The following ZFYVE19 variants were observed in gnomAD, a reference collection of about 807,000 sequenced individuals.
ZFYVE19 encodes the protein abscission/NoCut checkpoint regulator.
Under a neutral mutation model 62.8 loss-of-function variants are expected in ZFYVE19, and 49 were observed. That is an observed-to-expected ratio of 0.78 (90% CI 0.62 to 0.99). ZFYVE19 has a LOEUF of 0.99. Among genes scored for constraint, ZFYVE19 ranks in the 50% least tolerant of loss-of-function variants. ZFYVE19 has a pLI of 0.00. For synonymous variants in ZFYVE19, 242 were observed against 234.3 expected (o/e 1.03, Z -0.30); for missense variants, 630 against 601.9 (o/e 1.05, Z -0.49).
rs377577065 is a variant in ZFYVE19, at chr15:40,813,726, C to T, written c.1124C>T (p.Ala375Val). Residue 375 changes from alanine to valine, a missense_variant, in exon 9 of 11, where the codon GCT (alanine) becomes GTT (valine). Physicochemically the swap from Ala to Val is moderately conservative, Grantham distance 64. Coordinates refer to ENST00000355341, the MANE Select transcript of ZFYVE19 (RefSeq NM_001077268.2). ...CCCTGTCCGCAGCTCACTGAAGAAG[C>T]TTCCCTGGATGAGGCAAGTGGCTTT... is the stretch of plus-strand genomic sequence containing the variant. ...QRVLQQLTEE[A>V]SLDEASGFNI... 1 of 1,613,714 alleles carries T rather than the reference C, an allele frequency of 6.2e-7. No individual in the cohort carries two copies. The highest frequency in any genetic ancestry group is 8.5e-7 in the Non-Finnish European group (1 of 1,179,864).
At position 40,807,259 on chromosome 15, in the gene ZFYVE19, G is replaced by A; in HGVS notation, c.-331G>A. 1 of 1,595,400 alleles carries A rather than the reference G, an allele frequency of 6.3e-7. No homozygotes were observed. ...GGCATAGCGCCGACCCTCGCTCCCC[G>A]CCCAGGACCCGAATGAACCTGGAGA... is the stretch of plus-strand genomic sequence containing the variant. On this transcript the variant is annotated 5_prime_UTR_variant, in exon 1 of 11. Transcript: ENST00000355341.
intron 6 of ZFYVE19, 110 bp from the exon 7 acceptor site, chr15:40,812,589 G>A (rs199724079): frequency 1.1e-5 from 3 of 283,368 alleles, no homozygotes; most frequent in Non-Finnish European, 1.6e-5. Context: ...AAGAAAGAAA[G>A]AAAAAATTAT....
intron 5 of ZFYVE19, 61 bp from the exon 6 acceptor site, chr15:40,810,588 C>A: frequency 6.5e-7 from 1 of 1,545,442 alleles, no homozygotes; most frequent in Non-Finnish European, 8.7e-7. Flanking sequence ...AGCATCCATC[C>A]CTGACCTAGA....
chr15:40,812,758 C>G lies in ZFYVE19; in HGVS notation c.886C>G (p.Gln296Glu). ...CCCAGGGAGCACTAATTCCAAGAGG[C>G]AGGCCAACTGGTCCTTGGAGGAGGA... is the stretch of plus-strand genomic sequence containing the variant. ...GGPGSTNSKRQANWSLEEEKS... is the reference protein window; with the variant it reads ...GGPGSTNSKREANWSLEEEKS... Residue 296 changes from glutamine to glutamate, a missense_variant, in exon 7 of 11, where the codon CAG becomes GAG. Physicochemically the swap from Gln to Glu is conservative, Grantham distance 29 (BLOSUM62 2). Transcript: ENST00000355341. 4 of 1,612,608 alleles carry G rather than the reference C, an allele frequency of 2.5e-6. No individual in the cohort carries two copies. Among genetic ancestry groups the G allele is most frequent in the Non-Finnish European group, 3.4e-6 (4 of 1,180,014 alleles).
chr15:40,813,958 C>A lies in ZFYVE19; in HGVS notation c.1225C>A (p.Pro409Thr), dbSNP rs767975659. 1.9e-6 allele frequency: 3 copies of A among 1,610,812 alleles called. No homozygotes were observed. The highest frequency in any genetic ancestry group is 2.2e-5 in the South Asian group (2 of 90,530). ...GAEPEAQDVD[P>T]RPEAEEEELP... is the part of the protein sequence containing the mutation. ...ATCCCTGAAGGCCCAGGATGTGGAC[C>A]CCAGGCCTGAGGCTGAGGAAGAGGA... Residue 409 changes from proline (P) to threonine (T), a missense_variant, in exon 10 of 11, where the codon CCC becomes ACC. Coordinates refer to ENST00000355341, the MANE Select transcript of ZFYVE19 (RefSeq NM_001077268.2).
In ZFYVE19 at chr15:40,807,262, C is replaced by A; in HGVS notation, c.-328C>A. On this transcript the variant is annotated 5_prime_UTR_variant, in exon 1 of 11. Coordinates refer to ENST00000355341, the MANE Select transcript of ZFYVE19 (RefSeq NM_001077268.2). ...ATAGCGCCGACCCTCGCTCCCCGCC[C>A]AGGACCCGAATGAACCTGGAGAGCG... is the stretch of plus-strand genomic sequence containing the variant. 1 of 1,599,762 alleles carries A rather than the reference C, an allele frequency of 6.3e-7. No homozygotes were observed. Among genetic ancestry groups the A allele is most frequent in the African/African-American group, 1.3e-5 (1 of 74,756 alleles).
Position 40,809,078 on chromosome 15 carries a change from G to A in ZFYVE19, c.280-41G>A, listed in dbSNP as rs570283521. The A allele has an allele frequency of 1.9e-5, 30 of 1,607,342 alleles. No homozygotes were observed. In the African/African-American group the frequency reaches 2.3e-4, roughly 12 times the overall value. ...AGAGTCCCTGGGAGCAGCCTGCAGG[G>A]GCGGGTGAGAGGGGGATCTCCCGCT... On this transcript the variant is annotated intron_variant, in intron 1 of 10. Transcript: ENST00000355341.
In ZFYVE19 at chr15:40,813,271, C is replaced by CA. The variant is rs150913571; in HGVS notation, c.1031-66dup. On this transcript the variant is annotated intron_variant, in intron 7 of 10. Coordinates refer to ENST00000355341, the MANE Select transcript of ZFYVE19 (RefSeq NM_001077268.2). ...GAACCAGTTCTGGGAGGCAGGAGGG[C>CA]AGCCACTCATGTGAAATCTCTCACT... The CA allele has an allele frequency of 4.8e-3, 7,131 of 1,489,602 alleles. 285 individuals are homozygous for CA. In the African/African-American group the frequency reaches 0.085, roughly 18 times the overall value. 92.3% of individuals were successfully genotyped at this position (1,489,602 alleles called of 1,614,324 possible). A position where few individuals can be genotyped will look rare whatever the true frequency, so the allele number is the denominator to read the frequency against.
intron 6 of ZFYVE19, 43 bp from the exon 7 acceptor site, chr15:40,812,656 T>C (rs779714971): frequency 2.0e-6 from 3 of 1,518,290 alleles, no homozygotes; most frequent in Admixed American, 1.7e-5. Context: ...TGAGGAGAGA[T>C]ACTGGGATGT....
At chr15:40,808,496 T>C in intron 1 of ZFYVE19, 4 of 1,442,392 alleles carry the variant, frequency 2.8e-6, no homozygotes, top group Non-Finnish European at 3.7e-6. Context: ...ACCTGGATTT[T>C]GGAGTCAGCG....
intron 7 of ZFYVE19, 22 bp downstream of exon 7, chr15:40,812,924 C>G: frequency 6.2e-7 from 1 of 1,605,758 alleles, no homozygotes; most frequent in Non-Finnish European, 8.5e-7. Flanking sequence ...GGAGCAGCTG[C>G]TCACTGGTAT....
chr15:40,809,073 G>T, intron 1 of ZFYVE19, 46 bp from the exon 2 acceptor site: 2 of 1,606,024 alleles, frequency 1.2e-6, no homozygotes, highest in Non-Finnish European at 1.7e-6. Context: ...GGAGCAGCCT[G>T]CAGGGGCGGG....
intron 1 of ZFYVE19, chr15:40,808,250 C>T (rs1340468361): frequency 1.9e-6 from 3 of 1,596,544 alleles, no homozygotes; most frequent in East Asian, 2.2e-5. Flanking sequence ...TTCCCCATCC[C>T]GCAGCCTGCC....
Position 40,807,242 on chromosome 15 carries a change from G to A in ZFYVE19, c.-348G>A, listed in dbSNP as rs1490861764. ...GGAGCCCGCCTGCGGAGGGCATAGC[G>A]CCGACCCTCGCTCCCCGCCCAGGAC... On this transcript the variant is annotated 5_prime_UTR_variant, in exon 1 of 11. Coordinates refer to ENST00000355341, the MANE Select transcript of ZFYVE19 (RefSeq NM_001077268.2). 3.2e-6 allele frequency: 5 copies of A among 1,570,772 alleles called. No homozygotes were observed. Among genetic ancestry groups the A allele is most frequent in the Admixed American group, 3.8e-5 (2 of 53,102 alleles).
At position 40,809,161 on chromosome 15, in the gene ZFYVE19, C is replaced by CT; in HGVS notation, c.323dup (p.Ser109LysfsTer22). On this transcript the variant is annotated frameshift_variant, in exon 2 of 11. Coordinates refer to ENST00000355341, the MANE Select transcript of ZFYVE19 (RefSeq NM_001077268.2). LOFTEE classifies it high-confidence loss of function. ...TGGCAGGGCCTTCTGTTCAGGCTGC[C>CT]TAAGCTTCAGTGCAGCAGTGCCTCG... 6.2e-7 allele frequency: 1 copy of CT among 1,614,154 alleles called. No homozygotes were observed. Among genetic ancestry groups the CT allele is most frequent in the Non-Finnish European group, 8.5e-7 (1 of 1,180,022 alleles).
Position 40,809,931 on chromosome 15 carries a change from G to T in ZFYVE19, c.532G>T (p.Ala178Ser). ...QGLTRQDQMI[A>S]ERLARLRQEN... ...ACTGACACGACAAGACCAGATGATT[G>T]CTGAGCGCCTAGCACGACTCCGCCA... The change falls in exon 4 of 11, where the codon GCT becomes TCT. Residue 178 changes from alanine to serine, a missense_variant. Transcript: ENST00000355341. The T allele has an allele frequency of 6.2e-7, 1 of 1,614,192 alleles. No individual in the cohort carries two copies.
At chr15:40,811,303 A>G (rs1403368922) in intron 6 of ZFYVE19, among the ~76,000 whole-genome samples, 1 of 152,216 alleles carries the variant, frequency 6.6e-6, no homozygotes, top group African/African-American at 2.4e-5. Flanking sequence ...ATCATAGAAC[A>G]TTCTGTTGGA....
Position 40,813,794 on chromosome 15 carries a change from C to T in ZFYVE19, c.1192C>T (p.Arg398Cys), listed in dbSNP as rs72735636. Residue 398 changes from arginine (R) to cysteine (C), a missense_variant, in exon 9 of 11, where the codon CGC (arginine) becomes TGC (cysteine). Transcript: ENST00000355341. ...GGCTTCTCGACCCTGGACGCAACCCCGCGGGGCAGAGCCTGAGGTGAGAAA... is the reference window on the plus strand; with the variant it reads ...GGCTTCTCGACCCTGGACGCAACCCTGCGGGGCAGAGCCTGAGGTGAGAAA... The part of the protein sequence containing the change: ...EQASRPWTQP[R>C]GAEPEAQDVD... 2.6e-3 allele frequency: 4,163 copies of T among 1,613,856 alleles called. 16 individuals are homozygous for T. Among genetic ancestry groups the T allele is most frequent in the South Asian group, 4.7e-3 (431 of 91,026 alleles).
At position 40,809,837 on chromosome 15, in the gene ZFYVE19, C is replaced by G. The variant is rs1192997214; in HGVS notation, c.453-15C>G. The G allele has an allele frequency of 6.2e-7, 1 of 1,613,470 alleles. No homozygotes were observed. Among genetic ancestry groups the G allele is most frequent in the Non-Finnish European group, 8.5e-7 (1 of 1,179,352 alleles). On this transcript the variant is annotated splice_polypyrimidine_tract_variant and intron_variant, in intron 3 of 10. Transcript: ENST00000355341. ...CTCTGCCTTCTTCAAGAGCCTCTAT[C>G]TCATATCCTGCCAGGCGTGTGGCAG...
Sources: allele counts gnomAD v4.1 joint callset (sites outside exome capture counted in the v4.1 genomes callset), GRCh38; gene constraint gnomAD v4.1.1; transcripts MANE v1.5; gene names NCBI Gene and HGNC (gene_info 2026-07-23, HGNC 2026-07-21).